Variants in TTLL2 observed in about 807,000 individuals in gnomAD.
The protein encoded by TTLL2 is probable tubulin polyglutamylase TTLL2.
TTLL2 carries 10 observed loss-of-function variants against 7.5 expected under a neutral mutation model. The observed-to-expected ratio is 1.33, with a 90% confidence interval of 0.82 to 2.25. The LOEUF (loss-of-function observed/expected upper bound fraction) is 2.25, where lower values mean the gene tolerates loss of function less well. Ranked by LOEUF, TTLL2 falls within the 30% of genes most tolerant of loss-of-function variation. The pLI is 0.00. For missense variants in TTLL2, 733 were observed against 735.7 expected, an observed-to-expected ratio of 1.00 and a Z score of 0.04; for synonymous variants, 284 against 280.3, an observed-to-expected ratio of 1.01 and a Z score of -0.13.
At chr6:167,329,591 ATAG>A (rs1778894532) in intron 1 of TTLL2, among the ~76,000 whole-genome samples, 1 of 152,198 alleles carries the variant, frequency 6.6e-6, no homozygotes, top group African/African-American at 2.4e-5. Context: ...GTATATTTGT[ATAG>A]TACATTTGTA....
At chr6:167,333,164 T>C (rs1266746457) in intron 1 of TTLL2, among the ~76,000 whole-genome samples, 24 of 119,824 alleles carry the variant, frequency 2.0e-4, no homozygotes, top group South Asian at 6.4e-4. Context: ...GTTGTTGAAT[T>C]TTGTCAAAGG....
chr6:167,328,694 G>A (rs1328618990), intron 1 of TTLL2, among the ~76,000 whole-genome samples: 1 of 152,158 alleles, frequency 6.6e-6, no homozygotes, highest in African/African-American at 2.4e-5. Context: ...TCAGCGGGTG[G>A]CGTTTCACAG....
rs373611883 is a variant in TTLL2 at position 167,341,075 on chromosome 6, C to G, written c.1175C>G (p.Ala392Gly). 1.2e-5 allele frequency: 19 copies of G among 1,613,764 alleles called. No individual in the cohort carries two copies. Among genetic ancestry groups the G allele is most frequent in the African/African-American group, 6.7e-5 (5 of 74,790 alleles). Reference sequence around the variant, plus strand: ...CTTTTAGAGGTCAACTACAGCCCAGCCTTGACCTTGGATTGTTCAACAGAT... The same window carrying G: ...CTTTTAGAGGTCAACTACAGCCCAGGCTTGACCTTGGATTGTTCAACAGAT... ...PWLLEVNYSP[A>G]LTLDCSTDVL... Residue 392 changes from alanine (A) to glycine (G), a missense_variant, in exon 3 of 3, where the codon GCC becomes GGC. Transcript: ENST00000239587.
intron 1 of TTLL2, among the ~76,000 whole-genome samples, chr6:167,337,505 G>A (rs569036116): frequency 2.8e-4 from 43 of 152,304 alleles, no homozygotes; most frequent in African/African-American, 9.6e-4. Context: ...AGGCCAGGGC[G>A]CGCCAACCTT....
In TTLL2 at chr6:167,325,197, C is replaced by T. The variant is rs1778832590; in HGVS notation, c.24C>T (p.Ser8=). The change falls in exon 1 of 3, where the codon TCC becomes TCT. Residue 8 remains serine (S), a synonymous_variant. Transcript: ENST00000239587. MRGRDLC[S]STQSQALGSL... ...CAATGAGAGGGCGGGACCTGTGTTC[C>T]TCCACACAAAGCCAGGCGCTGGGGT... 7 of 1,578,042 alleles carry T rather than the reference C, an allele frequency of 4.4e-6. No individual in the cohort carries two copies. Among genetic ancestry groups the T allele is most frequent in the South Asian group, 2.3e-5 (2 of 85,712 alleles).
intron 1 of TTLL2, 41 bp from the exon 2 acceptor site, chr6:167,338,606 G>C (rs771598181): frequency 1.3e-6 from 2 of 1,583,638 alleles, no homozygotes; most frequent in Non-Finnish European, 1.7e-6. Context: ...AGTGACAAGG[G>C]AGATGCTGTG....
At chr6:167,331,448 C>G (rs56034275) in intron 1 of TTLL2, among the ~76,000 whole-genome samples, 6 of 152,244 alleles carry the variant, frequency 3.9e-5, no homozygotes, top group African/African-American at 1.4e-4. Context: ...CTCTGTTGTA[C>G]GTTTTACTTC....
chr6:167,336,521 G>C (rs1327214802), intron 1 of TTLL2, among the ~76,000 whole-genome samples: 1 of 151,918 alleles, frequency 6.6e-6, no homozygotes, highest in East Asian at 1.9e-4. Context: ...GTCGTGGGTG[G>C]CATTGCTCAT....
chr6:167,326,075 C>T (rs1178158060), intron 1 of TTLL2, among the ~76,000 whole-genome samples: 1 of 152,106 alleles, frequency 6.6e-6, no homozygotes, highest in Admixed American at 6.5e-5. Flanking sequence ...GCAAAGTCAG[C>T]TCTCCCAACT....
chr6:167,337,178 G>A (rs1053842950), intron 1 of TTLL2, among the ~76,000 whole-genome samples: 8 of 152,214 alleles, frequency 5.3e-5, no homozygotes, highest in African/African-American at 1.7e-4. Context: ...AGACATCTGT[G>A]GTAGTTCCAA....
intron 2 of TTLL2, among the ~76,000 whole-genome samples, chr6:167,339,349 C>T (rs1779038749): frequency 6.6e-6 from 1 of 152,192 alleles, no homozygotes; most frequent in Non-Finnish European, 1.5e-5. Context: ...CACACTTCAT[C>T]ATCAGTTATG....
At position 167,340,759 on chromosome 6, in the gene TTLL2, C is replaced by G. The variant is rs758761651; in HGVS notation, c.859C>G (p.Leu287Val). The G allele has an allele frequency of 2.0e-5, 33 of 1,614,012 alleles. No individual in the cohort carries two copies. Among genetic ancestry groups the G allele is most frequent in the Non-Finnish European group, 2.5e-5 (29 of 1,180,054 alleles). ...LVRFATEKFD[L>V]SNLQNNYAHL... Reference sequence around the variant, plus strand: ...TCGGTTTGCCACGGAAAAGTTTGACCTCAGTAATTTGCAAAACAATTATGC... The same window carrying G: ...TCGGTTTGCCACGGAAAAGTTTGACGTCAGTAATTTGCAAAACAATTATGC... Residue 287 changes from leucine to valine, a missense_variant, in exon 3 of 3, where the codon CTC becomes GTC. Transcript: ENST00000239587.
In TTLL2 at chr6:167,340,637, C is replaced by T; in HGVS notation, c.737C>T (p.Pro246Leu). 1 of 1,614,038 alleles carries T rather than the reference C, an allele frequency of 6.2e-7. No individual in the cohort carries two copies. Among genetic ancestry groups the T allele is most frequent in the African/African-American group, 1.3e-5 (1 of 75,006 alleles). Residue 246 changes from proline to leucine, a missense_variant, in exon 3 of 3, where the codon CCT becomes CTT. Pro to Leu is a moderately conservative substitution (Grantham distance 98). Transcript: ENST00000239587. ...ATAGTGCAGAAATATATCTCCAATC[C>T]TTTACTTATTGGCAGATATAAATGT... ...MYIVQKYISN[P>L]LLIGRYKCDL...
chr6:167,341,626 G>A lies in TTLL2; in HGVS notation c.1726G>A (p.Val576Ile). Residue 576 changes from valine to isoleucine, a missense_variant, in exon 3 of 3, where the codon GTC (valine) becomes ATC (isoleucine). Coordinates refer to ENST00000239587, the MANE Select transcript of TTLL2 (RefSeq NM_031949.5). ...TLGASRNGLN[V>I]KRIIQELQKL... ...CGGAGCTTCCAGGAATGGATTAAAT[G>A]TCAAAAGAATAATCCAAGAGCTCCA... 8 of 1,614,006 alleles carry A rather than the reference G, an allele frequency of 5.0e-6. No individual in the cohort carries two copies. The highest frequency in any genetic ancestry group is 6.8e-6 in the Non-Finnish European group (8 of 1,179,970).
intron 1 of TTLL2, among the ~76,000 whole-genome samples, chr6:167,326,167 G>C (rs1235580736): frequency 1.3e-5 from 2 of 152,124 alleles, no homozygotes; most frequent in Non-Finnish European, 2.9e-5. Flanking sequence ...GGGTGTCTTG[G>C]GGCTGAGCGT....
chr6:167,338,981 TCCCTCCCTCCTTCCTG>T (rs1779033360), intron 2 of TTLL2, among the ~76,000 whole-genome samples, 178 bp downstream of exon 2: 1 of 148,852 alleles, frequency 6.7e-6, no homozygotes, highest in Non-Finnish European at 1.5e-5. Context: ...TCTGCTTGCT[TCCCTCCCTCCTTCCTG>T]CCCTCCCTCC....
In TTLL2 at chr6:167,341,337, T is replaced by A. The variant is rs1779093057; in HGVS notation, c.1437T>A (p.Arg479=). Residue 479 remains arginine (R), a synonymous_variant, in exon 3 of 3, where the codon CGT becomes CGA. Transcript: ENST00000239587. ...TGGTGGAGAAAGCTGTGAGTGTGCG[T>A]CCTGAAGCTGCACCTGCCTCCCAGC... The part of the protein sequence containing the change: ...DSVVEKAVSV[R]PEAAPASQLE... 6.2e-7 allele frequency: 1 copy of A among 1,613,616 alleles called. No homozygotes were observed.
chr6:167,340,944 G>A lies in TTLL2; in HGVS notation c.1044G>A (p.Met348Ile), dbSNP rs753608857. ...TTTTGTGGAAGAAAATCCACCGCAT[G>A]GTTATTCTCACCATTCTCGCCATTG... Reference protein sequence around the residue: ...DLLLWKKIHRMVILTILAIAP... With the variant: ...DLLLWKKIHRIVILTILAIAP... Residue 348 changes from methionine to isoleucine, a missense_variant, in exon 3 of 3, where the codon ATG becomes ATA. Met to Ile is a conservative substitution (Grantham distance 10). Coordinates refer to ENST00000239587, the MANE Select transcript of TTLL2 (RefSeq NM_031949.5). 6.2e-7 allele frequency: 1 copy of A among 1,614,102 alleles called. No individual in the cohort carries two copies. Among genetic ancestry groups the A allele is most frequent in the East Asian group, 2.2e-5 (1 of 44,872 alleles).
chr6:167,325,215 G>GC lies in TTLL2; in HGVS notation c.43dup (p.Leu15ProfsTer14). ...TGTGTTCCTCCACACAAAGCCAGGC[G>GC]CTGGGGTAAGCGTAGGAGGCGACAC... On this transcript the variant is annotated frameshift_variant, in exon 1 of 3. Transcript: ENST00000239587. LOFTEE classifies it high-confidence loss of function. The GC allele has an allele frequency of 6.4e-7, 1 of 1,571,616 alleles. No homozygotes were observed. Among genetic ancestry groups the GC allele is most frequent in the South Asian group, 1.2e-5 (1 of 85,146 alleles).
Sources: allele counts gnomAD v4.1 joint callset (sites outside exome capture counted in the v4.1 genomes callset), GRCh38; gene constraint gnomAD v4.1.1; transcripts MANE v1.5; gene names NCBI Gene and HGNC (gene_info 2026-07-23, HGNC 2026-07-21).